Variants in CHSY1 observed in about 807,000 individuals in gnomAD.
CHSY1 encodes the protein chondroitin sulfate synthase 1, also known as N-acetylgalactosaminyl-proteoglycan 3-beta-glucuronosyltransferase 1.
In CHSY1, 13 loss-of-function variants were observed where a neutral mutation model predicts 59.8. The ratio of observed to expected loss-of-function variants is 0.22; its 90% CI spans 0.14 to 0.35. CHSY1 has a LOEUF of 0.35. Among genes scored for constraint, CHSY1 ranks in the 10% least tolerant of loss-of-function variants. The pLI is 1.00. For missense variants in CHSY1, 947 were observed against 1,030.6 expected, an observed-to-expected ratio of 0.92 and a Z score of 1.11; for synonymous variants, 459 against 401.2, an observed-to-expected ratio of 1.14 and a Z score of -1.72.
intron 2 of CHSY1, among the ~76,000 whole-genome samples, chr15:101,213,033 A>G (rs2038697427): frequency 6.6e-6 from 1 of 152,248 alleles, no homozygotes; most frequent in South Asian, 2.1e-4. Flanking sequence ...GACAAAAATG[A>G]AGAAATTATC....
chr15:101,178,999 G>A lies in CHSY1; in HGVS notation c.817-19C>T. 10 of 1,611,906 alleles carry A rather than the reference G, an allele frequency of 6.2e-6. No individual in the cohort carries two copies. The highest frequency in any genetic ancestry group is 8.5e-6 in the Non-Finnish European group (10 of 1,178,356). ...GCTGCATCTGTTACAGGAAAAAAAA[G>A]AGATCACAAATTTAGTATTGTATGA... is the stretch of plus-strand genomic sequence containing the variant. On this transcript the variant is annotated intron_variant, in intron 2 of 2. Transcript: ENST00000254190.
chr15:101,236,677 T>C (rs1053817759), intron 1 of CHSY1, among the ~76,000 whole-genome samples: 6 of 151,644 alleles, frequency 4.0e-5, no homozygotes, highest in African/African-American at 7.3e-5. Context: ...AAAACAAAAT[T>C]AGCCGTGCGT....
intron 1 of CHSY1, among the ~76,000 whole-genome samples, chr15:101,248,712 G>T (rs1335630824): frequency 1.3e-5 from 2 of 152,240 alleles, no homozygotes; most frequent in Non-Finnish European, 2.9e-5. Flanking sequence ...CCAAAAGTAA[G>T]AGCGTTAAGC....
At chr15:101,186,302 A>G (rs1411818849) in intron 2 of CHSY1, among the ~76,000 whole-genome samples, 1 of 149,346 alleles carries the variant, frequency 6.7e-6, no homozygotes, top group Non-Finnish European at 1.5e-5. Context: ...CCTGGGTGAC[A>G]AAGTGAGACC....
intron 1 of CHSY1, among the ~76,000 whole-genome samples, chr15:101,244,167 T>G (rs2039029390): frequency 6.6e-6 from 1 of 152,206 alleles, no homozygotes; most frequent in Admixed American, 6.5e-5. Context: ...AGCTAGGTTT[T>G]CTTGTTCACC....
chr15:101,209,489 T>C (rs907196114), intron 2 of CHSY1, among the ~76,000 whole-genome samples: 4 of 152,190 alleles, frequency 2.6e-5, no homozygotes, highest in Non-Finnish European at 5.9e-5. Flanking sequence ...GTGAAGCTTT[T>C]TGTTTTAAGG....
At chr15:101,184,112 ATGAC>A (rs1235980613) in intron 2 of CHSY1, among the ~76,000 whole-genome samples, 8 of 152,206 alleles carry the variant, frequency 5.3e-5, no homozygotes, top group African/African-American at 7.2e-5. Flanking sequence ...AGGCCTCTAC[ATGAC>A]TGACTACTTC....
intron 2 of CHSY1, among the ~76,000 whole-genome samples, chr15:101,234,325 C>G (rs1404304630): frequency 6.6e-6 from 1 of 152,164 alleles, no homozygotes; most frequent in African/African-American, 2.4e-5. Context: ...ACCATGATTC[C>G]TTTTATAAAT....
intron 1 of CHSY1, among the ~76,000 whole-genome samples, chr15:101,237,076 T>C (rs1214504914): frequency 6.6e-6 from 1 of 150,604 alleles, no homozygotes; most frequent in Non-Finnish European, 1.5e-5. Context: ...ATACAAAATT[T>C]AGCCAGGCAT....
intron 2 of CHSY1, among the ~76,000 whole-genome samples, chr15:101,200,028 A>G (rs989780908): frequency 6.6e-6 from 1 of 152,236 alleles, no homozygotes; most frequent in Non-Finnish European, 1.5e-5. Context: ...GTTTCACGCA[A>G]CCAATGTTTT....
At chr15:101,240,855 T>C (rs551158964) in intron 1 of CHSY1, among the ~76,000 whole-genome samples, 1 of 152,308 alleles carries the variant, frequency 6.6e-6, no homozygotes, top group South Asian at 2.1e-4. Flanking sequence ...TCAGTGTTGT[T>C]TTAAGAAAAA....
intron 2 of CHSY1, among the ~76,000 whole-genome samples, chr15:101,218,209 C>A (rs1205371672): frequency 1.3e-5 from 2 of 152,198 alleles, no homozygotes; most frequent in Non-Finnish European, 2.9e-5. Flanking sequence ...CAGGAGAAGC[C>A]TGGAGATATG....
chr15:101,224,963 G>A (rs757695790), intron 2 of CHSY1, among the ~76,000 whole-genome samples: 1 of 152,238 alleles, frequency 6.6e-6, no homozygotes, highest in Non-Finnish European at 1.5e-5. Flanking sequence ...CTTCGTGATT[G>A]GTTGGAACAG....
chr15:101,183,480 T>G (rs984396579), intron 2 of CHSY1, among the ~76,000 whole-genome samples: 2 of 152,202 alleles, frequency 1.3e-5, no homozygotes, highest in Non-Finnish European at 2.9e-5. Flanking sequence ...CAGTGTAGAA[T>G]TCTCTTCCCA....
intron 2 of CHSY1, among the ~76,000 whole-genome samples, chr15:101,205,955 A>C (rs1209994167): frequency 6.6e-6 from 1 of 152,144 alleles, no homozygotes; most frequent in Non-Finnish European, 1.5e-5. Flanking sequence ...CCGTCTCAAA[A>C]AAAAAAAAAG....
chr15:101,247,390 C>T (rs1009305768), intron 1 of CHSY1, among the ~76,000 whole-genome samples: 2 of 152,208 alleles, frequency 1.3e-5, no homozygotes, highest in Admixed American at 6.5e-5. Context: ...AGAGAGGACA[C>T]ACTTGCCCTG....
chr15:101,188,539 G>A (rs569422027), intron 2 of CHSY1, among the ~76,000 whole-genome samples: 16 of 151,646 alleles, frequency 1.1e-4, no homozygotes, highest in South Asian at 1.0e-3. Context: ...CAAGGATTAC[G>A]TTTTGTGTTT....
At chr15:101,229,865 C>T (rs979776192) in intron 2 of CHSY1, among the ~76,000 whole-genome samples, 1 of 151,926 alleles carries the variant, frequency 6.6e-6, no homozygotes, top group East Asian at 1.9e-4. Flanking sequence ...TGAGGTCATG[C>T]CACTGCACTC....
chr15:101,220,477 A>G (rs2038777807), intron 2 of CHSY1, among the ~76,000 whole-genome samples: 2 of 151,468 alleles, frequency 1.3e-5, no homozygotes, highest in Admixed American at 1.3e-4. Context: ...CATCCTATCA[A>G]CTCTACCTGC....
Sources: allele counts gnomAD v4.1 joint callset (sites outside exome capture counted in the v4.1 genomes callset), GRCh38; gene constraint gnomAD v4.1.1; transcripts MANE v1.5; gene names NCBI Gene and HGNC (gene_info 2026-07-23, HGNC 2026-07-21).